Variants in ZNF385D observed in about 807,000 individuals in gnomAD.
ZNF385D encodes zinc finger protein 385D, also known as zinc finger protein 659.
In ZNF385D, 15 loss-of-function variants were observed where a neutral mutation model predicts 35.8. That is an observed-to-expected ratio of 0.42 (90% CI 0.28 to 0.64). ZNF385D has a LOEUF of 0.64. Ranked by LOEUF, ZNF385D falls within the 30% of genes least tolerant of loss-of-function variation. The pLI, the probability that ZNF385D is intolerant of heterozygous loss-of-function variation, is 0.23. For missense variants in ZNF385D, 474 were observed against 494.6 expected (o/e 0.96, Z 0.39); for synonymous variants, 212 against 186.8 (o/e 1.13, Z -1.10).
chr3:21,802,305 G>A (rs1309653521), intron 3 of ZNF385D, among the ~76,000 whole-genome samples: 1 of 152,100 alleles, frequency 6.6e-6, no homozygotes. Flanking sequence ...ATGATCATGG[G>A]GTAATTTCTT....
chr3:22,173,706 T>C (rs1694623986), intron 2 of ZNF385D, among the ~76,000 whole-genome samples: 1 of 152,160 alleles, frequency 6.6e-6, no homozygotes, highest in Non-Finnish European at 1.5e-5. Context: ...TGGCTCTTTA[T>C]CTCAAATTTG....
chr3:21,659,286 C>T (rs2066164449), intron 2 of ZNF385D, among the ~76,000 whole-genome samples: 1 of 152,070 alleles, frequency 6.6e-6, no homozygotes, highest in Non-Finnish European at 1.5e-5. Flanking sequence ...TTTAAGTAGT[C>T]ACATTTTTCA....
chr3:22,203,682 G>A (rs972322100), intron 2 of ZNF385D, among the ~76,000 whole-genome samples: 1 of 152,132 alleles, frequency 6.6e-6, no homozygotes, highest in Non-Finnish European at 1.5e-5. Context: ...GTGAACATCA[G>A]CAGTGGCCTG....
At chr3:21,792,683 G>GC (rs2071979402) in intron 3 of ZNF385D, among the ~76,000 whole-genome samples, 1 of 152,052 alleles carries the variant, frequency 6.6e-6, no homozygotes, top group African/African-American at 2.4e-5. Context: ...CAAAAAGCAG[G>GC]CCCTAGACCC....
intron 3 of ZNF385D, among the ~76,000 whole-genome samples, chr3:22,119,942 A>G (rs995694471): frequency 7.9e-5 from 12 of 151,244 alleles, no homozygotes; most frequent in African/African-American, 2.7e-4. Flanking sequence ...TCAGCCTCCC[A>G]AGTAGCTGGG....
chr3:22,127,400 T>A (rs1208450895), intron 3 of ZNF385D, among the ~76,000 whole-genome samples: 1 of 140,396 alleles, frequency 7.1e-6, no homozygotes, highest in African/African-American at 2.7e-5. Flanking sequence ...AATGCAGTGG[T>A]GCAATCTTGG....
chr3:21,595,321 C>T (rs866374241), intron 2 of ZNF385D, among the ~76,000 whole-genome samples: 1 of 151,948 alleles, frequency 6.6e-6, no homozygotes, highest in Admixed American at 6.6e-5. Flanking sequence ...TCTGGCACAC[C>T]TGGGAGACAG....
intron 7 of ZNF385D, among the ~76,000 whole-genome samples, 171 bp from the exon 8 acceptor site, chr3:21,421,618 T>TG (rs1700743285): frequency 6.6e-6 from 1 of 152,188 alleles, no homozygotes; most frequent in Non-Finnish European, 1.5e-5. Flanking sequence ...ATTTTCCCTT[T>TG]GGAAGAGTTG....
intron 1 of ZNF385D, among the ~76,000 whole-genome samples, chr3:21,709,994 G>A (rs1313462027): frequency 1.3e-5 from 2 of 152,172 alleles, no homozygotes; most frequent in African/African-American, 4.8e-5. Context: ...ACAAAACATG[G>A]ATGAATCTCA....
In ZNF385D at chr3:21,575,833, T is replaced by C. The variant is rs556870087; in HGVS notation, c.166-11149A>G. Among the ~76,000 whole-genome samples, 4 of 152,290 alleles carry C rather than the reference T, an allele frequency of 2.6e-5. No individual in the cohort carries two copies. In the East Asian group the frequency reaches 5.8e-4, roughly 22 times the overall value. On this transcript the variant is annotated intron_variant, in intron 2 of 7. Coordinates refer to ENST00000281523, the MANE Select transcript of ZNF385D (RefSeq NM_024697.3). ...CCATTAGCAGAGTGGCTCACACTTA[T>C]CAAGGGCTCAGTACCTGTCTGTTGA...
intron 2 of ZNF385D, among the ~76,000 whole-genome samples, chr3:22,291,116 G>A (rs544465821): frequency 1.3e-5 from 2 of 152,204 alleles, no homozygotes; most frequent in East Asian, 3.9e-4. Context: ...ATGAAATGGG[G>A]AGGAGGGCAC....
At chr3:21,857,664 C>T (rs1696801975) in intron 3 of ZNF385D, among the ~76,000 whole-genome samples, 1 of 151,844 alleles carries the variant, frequency 6.6e-6, no homozygotes, top group Non-Finnish European at 1.5e-5. Flanking sequence ...AGTCACACAA[C>T]CAGAGGAGCC....
intron 2 of ZNF385D, among the ~76,000 whole-genome samples, chr3:21,597,262 G>C (rs2064153121): frequency 6.6e-6 from 1 of 151,786 alleles, no homozygotes; most frequent in Non-Finnish European, 1.5e-5. Flanking sequence ...ATTATCATGT[G>C]ACTCGAAGAT....
At chr3:21,710,138 T>C (rs190287841) in intron 1 of ZNF385D, among the ~76,000 whole-genome samples, 4 of 152,188 alleles carry the variant, frequency 2.6e-5, no homozygotes, top group Admixed American at 2.6e-4. Context: ...GAGTTGGGTA[T>C]GGGGGTATGG....
At chr3:21,557,463 C>T (rs114608760) in intron 3 of ZNF385D, among the ~76,000 whole-genome samples, 1,659 of 152,188 alleles carry the variant, frequency 0.011, 18 homozygotes, top group Middle Eastern at 0.027. Context: ...TGATAGGTTA[C>T]GTATATTTAT....
chr3:22,169,358 A>G (rs1706536927), intron 2 of ZNF385D, among the ~76,000 whole-genome samples: 1 of 152,210 alleles, frequency 6.6e-6, no homozygotes. Context: ...TAGAATGATT[A>G]AACAACTTGT....
At chr3:21,978,817 T>A (rs1037091707) in intron 3 of ZNF385D, among the ~76,000 whole-genome samples, 1 of 152,172 alleles carries the variant, frequency 6.6e-6, no homozygotes, top group Non-Finnish European at 1.5e-5. Flanking sequence ...CTCAGCATTA[T>A]GACAAATGTT....
At chr3:21,716,081 C>A (rs1156511069) in intron 1 of ZNF385D, among the ~76,000 whole-genome samples, 1 of 152,084 alleles carries the variant, frequency 6.6e-6, no homozygotes, top group Admixed American at 6.6e-5. Context: ...CCACACCCAA[C>A]CCCTCAGCAG....
chr3:21,799,295 G>T (rs1294466776), intron 3 of ZNF385D, among the ~76,000 whole-genome samples: 1 of 151,968 alleles, frequency 6.6e-6, no homozygotes, highest in Non-Finnish European at 1.5e-5. Context: ...TTTTCTTTTG[G>T]GGATCTACCT....
Sources: allele counts gnomAD v4.1 joint callset (sites outside exome capture counted in the v4.1 genomes callset), GRCh38; gene constraint gnomAD v4.1.1; transcripts MANE v1.5; gene names NCBI Gene and HGNC (gene_info 2026-07-23, HGNC 2026-07-21).